The following NEK11 variants were observed in gnomAD, a reference collection of about 807,000 sequenced individuals.
NEK11 encodes NIMA related kinase 11, also known as serine/threonine-protein kinase Nek11.
Under a neutral mutation model 80.7 loss-of-function variants are expected in NEK11, and 72 were observed. That is an observed-to-expected ratio of 0.89 (90% CI 0.74 to 1.08). NEK11 has a LOEUF of 1.08. Among genes scored for constraint, NEK11 ranks in the 50% least tolerant of loss-of-function variants. The pLI is 0.00. For missense variants in NEK11, 764 were observed against 763.6 expected (o/e 1.00, Z -0.01); for synonymous variants, 251 against 260.7 (o/e 0.96, Z 0.36).
chr3:131,177,434 A>G (rs1052016776), intron 14 of NEK11, among the ~76,000 whole-genome samples: 8 of 152,194 alleles, frequency 5.3e-5, no homozygotes, highest in Admixed American at 2.0e-4. Flanking sequence ...CTGTTACTGT[A>G]TTTCGCTCAA....
intron 7 of NEK11, among the ~76,000 whole-genome samples, chr3:131,146,128 C>T (rs1400109929): frequency 6.6e-6 from 1 of 152,042 alleles, no homozygotes; most frequent in Admixed American, 6.6e-5. Flanking sequence ...CTAGCTTGTT[C>T]TGTTTCTAAT....
At chr3:131,111,471 G>C (rs983802428) in intron 5 of NEK11, among the ~76,000 whole-genome samples, 2 of 152,010 alleles carry the variant, frequency 1.3e-5, no homozygotes, top group Non-Finnish European at 2.9e-5. Context: ...TCCTTCATTA[G>C]ATAGTGATAA....
At chr3:131,324,008 T>C (rs887591902) in intron 17 of NEK11, among the ~76,000 whole-genome samples, 2 of 152,124 alleles carry the variant, frequency 1.3e-5, no homozygotes, top group East Asian at 3.8e-4. Context: ...CAGTGTGGTA[T>C]TGGGAGGTGA....
intron 16 of NEK11, among the ~76,000 whole-genome samples, chr3:131,264,254 T>C (rs1341943822): frequency 6.6e-6 from 1 of 152,238 alleles, no homozygotes; most frequent in African/African-American, 2.4e-5. Flanking sequence ...TTGTTGCCAT[T>C]GCTTTTGGTG....
In NEK11 at chr3:131,350,022, A is replaced by G. The variant is rs543702193; in HGVS notation, c.*246A>G. The G allele has an allele frequency of 4.3e-6, 2 of 465,566 alleles. No individual in the cohort carries two copies. The highest frequency in any genetic ancestry group is 2.5e-5 in the South Asian group (1 of 39,752). The allele number at this position is 465,566 out of a possible 1,614,324, so 28.8% of individuals were successfully genotyped here. On this transcript the variant is annotated 3_prime_UTR_variant, in exon 18 of 18. Coordinates refer to ENST00000383366, the MANE Select transcript of NEK11 (RefSeq NM_024800.5). ...TTATAGATCAAGTTTGGCTCCCTTG[A>G]AAAGCATTTCTCTCATGTGCGCCCT...
intron 17 of NEK11, among the ~76,000 whole-genome samples, chr3:131,321,112 C>G (rs2096893115): frequency 6.6e-6 from 1 of 152,100 alleles, no homozygotes; most frequent in Non-Finnish European, 1.5e-5. Context: ...TACTATAAGG[C>G]TACAGTAACC....
intron 17 of NEK11, chr3:131,328,920 G>C (rs1271004588): frequency 6.6e-6 from 1 of 152,198 alleles, no homozygotes; most frequent in East Asian, 1.9e-4. Context: ...GAGGGACTCT[G>C]GAGTCGTCCT....
At chr3:131,184,587 C>A (rs778218597) in intron 14 of NEK11, 11 of 318,672 alleles carry the variant, frequency 3.5e-5, no homozygotes, top group African/African-American at 1.9e-4. Flanking sequence ...AAACAGCATA[C>A]ATTTCACGCA....
rs552656380 is a variant in NEK11 at position 131,139,297 on chromosome 3, T to TCG, written c.647+5341_647+5342insCG. On this transcript the variant is annotated intron_variant, in intron 7 of 17. Transcript: ENST00000383366. ...TTGATCAAGTAGAAGAAAGAATTAG[T>TCG]AAGCTCGAAGACAGGATATTGGAAA... Among the ~76,000 whole-genome samples, 418 of 137,288 alleles carry TCG rather than the reference T, an allele frequency of 3.0e-3. 2 individuals are homozygous for TCG. The highest frequency in any genetic ancestry group is 0.026 in the Middle Eastern group (6 of 234). The allele number at this position is 137,288 out of a possible 152,430, so 90.1% of individuals were successfully genotyped here. A position where few individuals can be genotyped will look rare whatever the true frequency, so the allele number is the denominator to read the frequency against.
At chr3:131,240,141 G>A (rs1312140215) in intron 15 of NEK11, among the ~76,000 whole-genome samples, 1 of 152,106 alleles carries the variant, frequency 6.6e-6, no homozygotes, top group Non-Finnish European at 1.5e-5. Flanking sequence ...GTGGATAGTG[G>A]AGGAGGGAAG....
chr3:131,223,069 C>G (rs6803676), intron 14 of NEK11, among the ~76,000 whole-genome samples: 2,767 of 152,238 alleles, frequency 0.018, 85 homozygotes, highest in African/African-American at 0.063. Flanking sequence ...GAATGCCACT[C>G]CAGTATACCC....
rs144023838 is a variant in NEK11, at chr3:131,173,249, T to G, written c.1399+2362T>G. Among the ~76,000 whole-genome samples the G allele has an allele frequency of 5.8e-3, 877 of 152,290 alleles. 6 individuals carry two copies. Among genetic ancestry groups the G allele is most frequent in the African/African-American group, 0.02 (832 of 41,560 alleles). Reference sequence around the variant, plus strand: ...CTCTATGAACTTGCCCTGAATTATTTCTTGTGCGAGGTCCAAGAACCCTCT... The same window carrying G: ...CTCTATGAACTTGCCCTGAATTATTGCTTGTGCGAGGTCCAAGAACCCTCT... On this transcript the variant is annotated intron_variant, in intron 14 of 17. Coordinates refer to ENST00000383366, the MANE Select transcript of NEK11 (RefSeq NM_024800.5).
chr3:131,080,391 C>T (rs2075068983), intron 3 of NEK11, 32 bp from the exon 4 acceptor site: 3 of 1,522,186 alleles, frequency 2.0e-6, no homozygotes, highest in Non-Finnish European at 2.7e-6. Flanking sequence ...TTTTTCAGCT[C>T]TAAATGTTTT....
chr3:131,235,849 C>T (rs2095422236), intron 15 of NEK11, among the ~76,000 whole-genome samples: 1 of 152,148 alleles, frequency 6.6e-6, no homozygotes, highest in Non-Finnish European at 1.5e-5. Context: ...GTTGTACCAA[C>T]TATTAGGAAT....
chr3:131,272,463 C>CTTTT (rs869304359), intron 16 of NEK11, among the ~76,000 whole-genome samples: 2,282 of 43,872 alleles, frequency 0.052, 399 homozygotes, highest in Non-Finnish European at 0.075. Context: ...GTTTTAGCTT[C>CTTTT]TTTTTTTTTT....
intron 3 of NEK11, among the ~76,000 whole-genome samples, chr3:131,051,935 C>G (rs2068475300): frequency 6.6e-6 from 1 of 152,084 alleles, no homozygotes; most frequent in African/African-American, 2.4e-5. Flanking sequence ...ATCAAAAGAT[C>G]AAGTTTCGAG....
intron 3 of NEK11, chr3:131,054,329 GA>G (rs944570151): frequency 2.0e-4 from 28 of 142,002 alleles, no homozygotes; most frequent in Middle Eastern, 7.2e-3. Flanking sequence ...TTGTCTCAAA[GA>G]AAAAAAAAAA....
At chr3:131,270,362 T>C (rs930133882) in intron 16 of NEK11, among the ~76,000 whole-genome samples, 24 of 152,292 alleles carry the variant, frequency 1.6e-4, no homozygotes, top group South Asian at 8.3e-4. Context: ...TGGGAACATA[T>C]GGAAACGTAG....
chr3:131,336,199 C>G (rs574683152), intron 17 of NEK11, among the ~76,000 whole-genome samples: 58 of 152,286 alleles, frequency 3.8e-4, no homozygotes, highest in African/African-American at 9.6e-4. Flanking sequence ...GGAGGCATCA[C>G]GCTACCTGAC....
Sources: gnomAD v4.1 joint callset for allele counts (sites outside exome capture counted in the v4.1 genomes callset) on GRCh38, gnomAD v4.1.1 for gene constraint, MANE v1.5 for transcripts, NCBI Gene and HGNC (gene_info 2026-07-23, HGNC 2026-07-21) for gene names.